The following PITPNC1 variants were observed in gnomAD, a reference collection of about 807,000 sequenced individuals.
The protein encoded by PITPNC1 is cytoplasmic phosphatidylinositol transfer protein 1.
A neutral mutation model predicts 44.7 loss-of-function variants in PITPNC1; 18 were observed. That is an observed-to-expected ratio of 0.40 (90% CI 0.28 to 0.60). The LOEUF (loss-of-function observed/expected upper bound fraction) is 0.60. Among genes scored for constraint, PITPNC1 ranks in the 20% least tolerant of loss-of-function variants. The pLI, the probability that PITPNC1 is intolerant of heterozygous loss-of-function variation, is 0.39. For synonymous variants in PITPNC1, 141 were observed against 149.6 expected (o/e 0.94, Z 0.42); for missense variants, 290 against 418.4 (o/e 0.69, Z 2.68).
At chr17:67,656,983 G>A (rs1000898826) in intron 6 of PITPNC1, among the ~76,000 whole-genome samples, 9 of 152,072 alleles carry the variant, frequency 5.9e-5, no homozygotes, top group African/African-American at 1.7e-4. Context: ...CTGAATGTTC[G>A]TAAACCCAAG....
intron 5 of PITPNC1, among the ~76,000 whole-genome samples, chr17:67,614,095 A>T (rs1004256053): frequency 2.6e-5 from 4 of 151,760 alleles, no homozygotes; most frequent in Non-Finnish European, 5.9e-5. Context: ...TCAAAAAAAA[A>T]GAAAAGAAAA....
intron 5 of PITPNC1, among the ~76,000 whole-genome samples, chr17:67,614,671 C>CA (rs11460739): frequency 0.015 from 1,411 of 92,450 alleles, 29 homozygotes; most frequent in African/African-American, 0.049. Context: ...GACTCCGTCT[C>CA]AAAAAAAAAA....
intron 1 of PITPNC1, among the ~76,000 whole-genome samples, chr17:67,454,217 CT>C (rs2039224185): frequency 6.6e-6 from 1 of 150,608 alleles, no homozygotes; most frequent in African/African-American, 2.4e-5. Context: ...TGCCACTGCA[CT>C]ATAGCCTGGG....
chr17:67,689,053 T>C (rs2042874058), intron 8 of PITPNC1, among the ~76,000 whole-genome samples: 1 of 151,992 alleles, frequency 6.6e-6, no homozygotes, highest in Non-Finnish European at 1.5e-5. Flanking sequence ...AAATACAAAA[T>C]TAGCTGGGCG....
chr17:67,460,016 G>C (rs1301487727), intron 1 of PITPNC1, among the ~76,000 whole-genome samples: 1 of 152,158 alleles, frequency 6.6e-6, no homozygotes, highest in Non-Finnish European at 1.5e-5. Context: ...CTTTCTCCCA[G>C]CTTTCCCACC....
chr17:67,441,287 G>A (rs1187184858), intron 1 of PITPNC1, among the ~76,000 whole-genome samples: 1 of 114,458 alleles, frequency 8.7e-6, no homozygotes, highest in Non-Finnish European at 1.9e-5. Context: ...GCCCCCCCCC[G>A]CCACCCATCA....
intron 2 of PITPNC1, among the ~76,000 whole-genome samples, chr17:67,538,315 C>G (rs1038152742): frequency 5.9e-5 from 9 of 152,110 alleles, no homozygotes; most frequent in African/African-American, 2.2e-4. Flanking sequence ...AAATAAACTC[C>G]ATGGCTGGGC....
At chr17:67,637,842 C>G (rs1191658986) in intron 6 of PITPNC1, 1 of 135,536 alleles carries the variant, frequency 7.4e-6, no homozygotes, top group East Asian at 2.4e-4. Context: ...CATTAATGGA[C>G]TCTGCAGGGC....
chr17:67,585,013 G>A (rs1438758999), intron 5 of PITPNC1, among the ~76,000 whole-genome samples: 1 of 151,998 alleles, frequency 6.6e-6, no homozygotes, highest in Non-Finnish European at 1.5e-5. Context: ...GTACTCAGCA[G>A]GCTGAGGCAG....
chr17:67,492,242 C>A (rs962297510), intron 1 of PITPNC1, among the ~76,000 whole-genome samples: 2 of 152,072 alleles, frequency 1.3e-5, no homozygotes, highest in Admixed American at 6.6e-5. Context: ...TGGAAGGAGA[C>A]CTTTGCAGAC....
chr17:67,409,886 T>C (rs909778180), intron 1 of PITPNC1, among the ~76,000 whole-genome samples: 3 of 152,206 alleles, frequency 2.0e-5, no homozygotes, highest in African/African-American at 7.2e-5. Context: ...TTTGTATAAA[T>C]CTGCCATGAT....
intron 1 of PITPNC1, among the ~76,000 whole-genome samples, chr17:67,433,474 G>A (rs550544075): frequency 4.7e-4 from 72 of 152,286 alleles, no homozygotes; most frequent in African/African-American, 1.5e-3. Flanking sequence ...GCCGGGTGCA[G>A]TAACTCGAAA....
intron 1 of PITPNC1, among the ~76,000 whole-genome samples, chr17:67,462,120 G>C (rs546450929): frequency 2.9e-4 from 44 of 151,138 alleles, no homozygotes; most frequent in African/African-American, 1.1e-3. Flanking sequence ...TTATTTGCTT[G>C]GTCCTTTGAA....
At chr17:67,609,678 A>G (rs1362694999) in intron 5 of PITPNC1, among the ~76,000 whole-genome samples, 1 of 152,006 alleles carries the variant, frequency 6.6e-6, no homozygotes, top group Non-Finnish European at 1.5e-5. Flanking sequence ...ATCCCAAAGC[A>G]GAGGCGACAG....
At chr17:67,457,797 G>A (rs2039276956) in intron 1 of PITPNC1, 1 of 152,156 alleles carries the variant, frequency 6.6e-6, no homozygotes, top group Non-Finnish European at 1.5e-5. Context: ...TTCTTTACAC[G>A]GAGAATTCAT....
intron 8 of PITPNC1, 84 bp from the exon 9 acceptor site, chr17:67,692,488 C>A: frequency 1.1e-6 from 1 of 931,306 alleles, no homozygotes; most frequent in Non-Finnish European, 1.7e-6. Context: ...TCCCATAGTT[C>A]CTGTAAAAAC....
intron 1 of PITPNC1, among the ~76,000 whole-genome samples, chr17:67,405,680 A>G (rs1161617983): frequency 6.7e-6 from 1 of 148,792 alleles, no homozygotes; most frequent in African/African-American, 2.5e-5. Flanking sequence ...ATCTCAGCTT[A>G]CTGCAACTTC....
chr17:67,515,629 G>A (rs546581662), intron 1 of PITPNC1, among the ~76,000 whole-genome samples: 23 of 152,240 alleles, frequency 1.5e-4, no homozygotes, highest in African/African-American at 5.5e-4. Context: ...CGTGGAGCCG[G>A]CTGCCTTTAC....
Position 67,676,928 on chromosome 17 carries a change from TCTCTTATCA to T in PITPNC1, c.682+1388_682+1396del, listed in dbSNP as rs1209667367. Among the ~76,000 whole-genome samples, 1 of 152,034 alleles carries T rather than the reference TCTCTTATCA, an allele frequency of 6.6e-6. No individual in the cohort carries two copies. The highest frequency in any genetic ancestry group is 2.4e-5 in the African/African-American group (1 of 41,392). On this transcript the variant is annotated intron_variant, in intron 8 of 8. Coordinates refer to ENST00000581322, the MANE Select transcript of PITPNC1 (RefSeq NM_012417.4). The surrounding 1 kb of genome is among the most constrained non-coding windows in gnomAD (Gnocchi z 4.0). ...TTGTCCAAATGCAGATCATTTATGC[TCTCTTATCA>T]CACACCCACAGAATGCCGCTCTCAT...
Sources: allele counts gnomAD v4.1 joint callset (sites outside exome capture counted in the v4.1 genomes callset), GRCh38; gene constraint gnomAD v4.1.1; non-coding constraint Gnocchi (gnomAD v3.1); transcripts MANE v1.5; gene names NCBI Gene and HGNC (gene_info 2026-07-23, HGNC 2026-07-21).